The following CCDC85A variants were observed in gnomAD, a reference collection of about 807,000 sequenced individuals.
CCDC85A encodes the protein coiled-coil domain-containing protein 85A.
A neutral mutation model predicts 50.2 loss-of-function variants in CCDC85A; 38 were observed. That is an observed-to-expected ratio of 0.76 (90% CI 0.58 to 0.99). The LOEUF (loss-of-function observed/expected upper bound fraction) is 0.99. Ranked by LOEUF, CCDC85A falls within the 50% of genes least tolerant of loss-of-function variation. CCDC85A has a pLI of 0.00. For missense variants in CCDC85A, 820 were observed against 742.0 expected (o/e 1.11, Z -1.22); for synonymous variants, 366 against 301.4 (o/e 1.21, Z -2.22).
At chr2:56,356,905 T>TA (rs1175506851) in intron 3 of CCDC85A, among the ~76,000 whole-genome samples, 1 of 151,108 alleles carries the variant, frequency 6.6e-6, no homozygotes, top group African/African-American at 2.4e-5. Flanking sequence ...CCATCTCTAC[T>TA]AAAAAAACCA....
intron 2 of CCDC85A, among the ~76,000 whole-genome samples, chr2:56,323,093 A>G (rs560713338): frequency 8.5e-5 from 13 of 152,246 alleles, no homozygotes; most frequent in East Asian, 3.9e-4. Flanking sequence ...GAATCGAACA[A>G]TGAGAACACA....
intron 2 of CCDC85A, among the ~76,000 whole-genome samples, chr2:56,197,046 A>G (rs573991889): frequency 1.9e-3 from 288 of 152,316 alleles, no homozygotes; most frequent in African/African-American, 6.8e-3. Context: ...GCATTAAACA[A>G]GGTCCATTTA....
intron 2 of CCDC85A, among the ~76,000 whole-genome samples, chr2:56,313,371 C>A (rs1672780923): frequency 6.6e-6 from 1 of 152,082 alleles, no homozygotes; most frequent in African/African-American, 2.4e-5. Flanking sequence ...TAGTACCTGG[C>A]ACATTGTAGG....
chr2:56,321,092 C>G (rs186568752), intron 2 of CCDC85A, among the ~76,000 whole-genome samples: 19 of 152,172 alleles, frequency 1.2e-4, no homozygotes, highest in Admixed American at 2.6e-4. Context: ...ATTCAACAAC[C>G]CTTCATGCTA....
chr2:56,343,518 T>C (rs1418675399), intron 3 of CCDC85A, among the ~76,000 whole-genome samples: 1 of 152,214 alleles, frequency 6.6e-6, no homozygotes, highest in Non-Finnish European at 1.5e-5. Context: ...TTTTCCAGGA[T>C]GTTTAATGTC....
At chr2:56,212,879 T>G (rs892259508) in intron 2 of CCDC85A, among the ~76,000 whole-genome samples, 1 of 152,036 alleles carries the variant, frequency 6.6e-6, no homozygotes, top group Admixed American at 6.6e-5. Context: ...AGCCTCACCT[T>G]ATTTATAAAG....
At chr2:56,279,934 C>A (rs1474400542) in intron 2 of CCDC85A, among the ~76,000 whole-genome samples, 2 of 152,254 alleles carry the variant, frequency 1.3e-5, no homozygotes, top group Admixed American at 6.5e-5. Flanking sequence ...CTGATTTTAA[C>A]AAAGTTGGTG....
intron 2 of CCDC85A, among the ~76,000 whole-genome samples, chr2:56,325,631 C>G (rs765931931): frequency 5.9e-4 from 90 of 152,054 alleles, no homozygotes; most frequent in Non-Finnish European, 1.1e-3. Flanking sequence ...AGGAGAGATT[C>G]AGGAAAGCAG....
At chr2:56,369,075 G>A (rs1573357321) in intron 3 of CCDC85A, among the ~76,000 whole-genome samples, 1 of 151,668 alleles carries the variant, frequency 6.6e-6, no homozygotes, top group East Asian at 2.0e-4. Context: ...TGTGATTCAT[G>A]TATTTTAGAT....
chr2:56,220,436 A>G (rs1394656431), intron 2 of CCDC85A, among the ~76,000 whole-genome samples: 1 of 152,054 alleles, frequency 6.6e-6, no homozygotes, highest in Non-Finnish European at 1.5e-5. Context: ...ATAGAAATTC[A>G]GTAAGCTGTC....
At chr2:56,350,394 A>C (rs1265545090) in intron 3 of CCDC85A, among the ~76,000 whole-genome samples, 1 of 152,158 alleles carries the variant, frequency 6.6e-6, no homozygotes, top group Non-Finnish European at 1.5e-5. Context: ...AACATGGTGA[A>C]ACCCCATCTC....
chr2:56,196,624 C>G (rs982726210), intron 2 of CCDC85A, among the ~76,000 whole-genome samples: 5 of 152,114 alleles, frequency 3.3e-5, no homozygotes, highest in Admixed American at 1.3e-4. Context: ...CTATTTAGCT[C>G]AGGTCATGGA....
At chr2:56,223,686 A>T (rs1012799953) in intron 2 of CCDC85A, among the ~76,000 whole-genome samples, 7 of 152,180 alleles carry the variant, frequency 4.6e-5, no homozygotes, top group African/African-American at 1.7e-4. Flanking sequence ...AATAAGTCTA[A>T]AGGAGAATTT....
intron 2 of CCDC85A, among the ~76,000 whole-genome samples, chr2:56,329,945 G>GTTTTTTTTTTTTTTTT (rs535050957): frequency 4.5e-5 from 2 of 44,160 alleles, no homozygotes; most frequent in African/African-American, 1.4e-4. Context: ...CAGATTTCCT[G>GTTTTTTTTTTTTTTTT]TTTTTTTTTT....
At chr2:56,227,457 G>A (rs562799730) in intron 2 of CCDC85A, among the ~76,000 whole-genome samples, 69 of 152,210 alleles carry the variant, frequency 4.5e-4, no homozygotes, top group African/African-American at 1.1e-3. Flanking sequence ...ATGGACCATG[G>A]CAGCAATATC....
At chr2:56,311,349 A>G (rs190599717) in intron 2 of CCDC85A, among the ~76,000 whole-genome samples, 3 of 152,210 alleles carry the variant, frequency 2.0e-5, no homozygotes, top group African/African-American at 7.2e-5. Context: ...GACAGTTTCC[A>G]TCAATGCTCA....
intron 2 of CCDC85A, among the ~76,000 whole-genome samples, chr2:56,297,064 A>T (rs1408944660): frequency 6.6e-6 from 1 of 152,164 alleles, no homozygotes; most frequent in Non-Finnish European, 1.5e-5. Context: ...TGAACATGAG[A>T]TGTTTTGCAA....
intron 3 of CCDC85A, among the ~76,000 whole-genome samples, chr2:56,366,181 A>G (rs545700575): frequency 4.7e-4 from 71 of 152,162 alleles, no homozygotes; most frequent in Non-Finnish European, 9.0e-4. Flanking sequence ...GGTTGTTTCC[A>G]TATCTTGGCT....
intron 2 of CCDC85A, among the ~76,000 whole-genome samples, chr2:56,262,546 G>A (rs994876049): frequency 1.1e-4 from 16 of 152,120 alleles, no homozygotes; most frequent in African/African-American, 3.9e-4. Context: ...ATCAAGAGGT[G>A]TCTTCACCTC....
Sources: gnomAD v4.1 joint callset for allele counts (sites outside exome capture counted in the v4.1 genomes callset) on GRCh38, gnomAD v4.1.1 for gene constraint, MANE v1.5 for transcripts, NCBI Gene and HGNC (gene_info 2026-07-23, HGNC 2026-07-21) for gene names.